Variants in DHRS7 observed in about 807,000 individuals in gnomAD.
DHRS7 encodes the protein dehydrogenase/reductase 7, also known as dehydrogenase/reductase SDR family member 7.
A neutral mutation model predicts 38.9 loss-of-function variants in DHRS7; 34 were observed. The ratio of observed to expected loss-of-function variants is 0.87; its 90% CI spans 0.66 to 1.16. The LOEUF is 1.16. DHRS7 is among the 50% of genes most tolerant of loss of function. The pLI, the probability that DHRS7 is intolerant of heterozygous loss-of-function variation, is 0.00. For missense variants in DHRS7, 421 were observed against 407.0 expected (o/e 1.03, Z -0.30); for synonymous variants, 158 against 153.1 (o/e 1.03, Z -0.24).
intron 1 of DHRS7, among the ~76,000 whole-genome samples, chr14:60,164,875 C>G (rs1896834990): frequency 6.6e-6 from 1 of 152,316 alleles, no homozygotes; most frequent in Non-Finnish European, 1.5e-5. Context: ...ATGTCAGAGT[C>G]CTCAGGAGCA....
upstream of DHRS7, chr14:60,165,748 C>T: frequency 1.1e-6 from 1 of 910,418 alleles, no homozygotes; most frequent in Non-Finnish European, 1.3e-6. The surrounding 1 kb of genome is among the most constrained non-coding windows in gnomAD (Gnocchi z 4.6). Context: ...CTTGCTTGGC[C>T]CCTCTTCTCC....
At chr14:60,160,377 TTGTATC>T (rs1452670521) in intron 1 of DHRS7, among the ~76,000 whole-genome samples, 2 of 151,008 alleles carry the variant, frequency 1.3e-5, no homozygotes, top group African/African-American at 4.9e-5. Flanking sequence ...ATTACCTACT[TTGTATC>T]TGAAAAGATA....
intron 2 of DHRS7, 39 bp from the exon 3 acceptor site, chr14:60,154,104 A>G: frequency 6.5e-7 from 1 of 1,533,260 alleles, no homozygotes; most frequent in Non-Finnish European, 9.0e-7. Context: ...GTCATGCCAT[A>G]GTTCAGTCAA....
intron 1 of DHRS7, among the ~76,000 whole-genome samples, chr14:60,164,760 C>T (rs771639816): frequency 6.6e-6 from 1 of 152,176 alleles, no homozygotes; most frequent in Non-Finnish European, 1.5e-5. Context: ...ACCGGGCTTC[C>T]GGTACTTACA....
At position 60,153,774 on chromosome 14, in the gene DHRS7, T is replaced by TAA. The variant is rs763101093; in HGVS notation, c.393+183_393+184dup. On this transcript the variant is annotated intron_variant, in intron 3 of 6. Transcript: ENST00000557185. This position sits in a 1 kb window ranked among gnomAD's most constrained non-coding sequence, Gnocchi z 4.4. Reference sequence around the variant, plus strand: ...TCTACATGGAGGAATTTGTACTTGTTAAGACATGAAAAGTACTAATTCCAT... The same window carrying TAA: ...TCTACATGGAGGAATTTGTACTTGTTAAAAGACATGAAAAGTACTAATTCCAT... 2.6e-5 allele frequency among the ~76,000 whole-genome samples: 4 copies of TAA among 152,190 alleles called. No homozygotes were observed. The highest frequency in any genetic ancestry group is 5.9e-5 in the Non-Finnish European group (4 of 68,034).
intron 4 of DHRS7, 87 bp downstream of exon 4, chr14:60,152,852 G>T: frequency 6.7e-7 from 1 of 1,487,230 alleles, no homozygotes; most frequent in Non-Finnish European, 9.2e-7. Context: ...ATCACTTCCA[G>T]TTCCAAGGAC....
chr14:60,145,049 ACTC>A lies in DHRS7; in HGVS notation c.973-39_973-37del. On this transcript the variant is annotated intron_variant, in intron 6 of 6. Transcript: ENST00000557185. This position sits in a 1 kb window ranked among gnomAD's most constrained non-coding sequence, Gnocchi z 4.0. ...GGGACAGAAACATGGATCAGTACCT[ACTC>A]CTATTTACTCCAGTTTTTAACATTT... The A allele has an allele frequency of 1.5e-6, 2 of 1,365,314 alleles. No individual in the cohort carries two copies. Among genetic ancestry groups the A allele is most frequent in the Non-Finnish European group, 2.0e-6 (2 of 1,020,224 alleles). 84.6% of individuals were successfully genotyped at this position (1,365,314 alleles called of 1,614,324 possible). A position where few individuals can be genotyped will look rare whatever the true frequency, so the allele number is the denominator to read the frequency against.
At chr14:60,154,273 CT>C (rs1339841400) in intron 2 of DHRS7, among the ~76,000 whole-genome samples, 2 of 151,932 alleles carry the variant, frequency 1.3e-5, no homozygotes, top group Non-Finnish European at 2.9e-5. Flanking sequence ...AGAATGGCAA[CT>C]TGAATATGCA....
upstream of DHRS7, chr14:60,168,966 T>C: frequency 2.0e-6 from 1 of 499,460 alleles, no homozygotes; most frequent in Non-Finnish European, 3.4e-6. Flanking sequence ...ATGTGACAGA[T>C]GATATGTTAA....
At chr14:60,150,903 G>C (rs1896530376) in intron 4 of DHRS7, among the ~76,000 whole-genome samples, 1 of 152,094 alleles carries the variant, frequency 6.6e-6, no homozygotes, top group African/African-American at 2.4e-5. Flanking sequence ...CACTGGATAG[G>C]TAAAAAGAAC....
rs1034013885 is a variant in DHRS7 at position 60,153,835 on chromosome 14, A to T, written c.393+124T>A. ...GCTCAGAGATTAAGGGGCCCAACTCATGGGCCCGATCTCACTGCATGGACC... is the reference window on the plus strand; with the variant it reads ...GCTCAGAGATTAAGGGGCCCAACTCTTGGGCCCGATCTCACTGCATGGACC... On this transcript the variant is annotated intron_variant, in intron 3 of 6. Coordinates refer to ENST00000557185, the MANE Select transcript of DHRS7 (RefSeq NM_016029.4). This position sits in a 1 kb window ranked among gnomAD's most constrained non-coding sequence, Gnocchi z 4.4. 5 of 711,050 alleles carry T rather than the reference A, an allele frequency of 7.0e-6. No individual in the cohort carries two copies. The highest frequency in any genetic ancestry group is 1.2e-5 in the Non-Finnish European group (5 of 414,422). 44.0% of individuals were successfully genotyped at this position (711,050 alleles called of 1,614,324 possible). A position where few individuals can be genotyped will look rare whatever the true frequency, so the allele number is the denominator to read the frequency against.
intron 1 of DHRS7, among the ~76,000 whole-genome samples, chr14:60,158,089 C>T (rs189793816): frequency 3.9e-5 from 6 of 151,922 alleles, no homozygotes; most frequent in Admixed American, 3.3e-4. Context: ...AAAAATTAGC[C>T]AGGTGTGGTG....
chr14:60,167,641 C>T (rs562144063), upstream of DHRS7, among the ~76,000 whole-genome samples: 1 of 152,330 alleles, frequency 6.6e-6, no homozygotes, highest in Non-Finnish European at 1.5e-5. Context: ...AAATCCAGAT[C>T]CTCCAAGATC....
chr14:60,145,864 C>G lies in DHRS7; in HGVS notation c.973-851G>C, dbSNP rs749907540. 5 of 151,890 alleles carry G rather than the reference C, an allele frequency of 3.3e-5. No homozygotes were observed. The highest frequency in any genetic ancestry group is 7.4e-5 in the Non-Finnish European group (5 of 67,962). 9.4% of individuals were successfully genotyped at this position (151,890 alleles called of 1,614,324 possible). ...GATAATACAAAATTCAGTGTAGCCACTGTTCTTGATCCCTAAAAATAATAA... is the reference window on the plus strand; with the variant it reads ...GATAATACAAAATTCAGTGTAGCCAGTGTTCTTGATCCCTAAAAATAATAA... On this transcript the variant is annotated intron_variant, in intron 6 of 6. Transcript: ENST00000557185. This position sits in a 1 kb window ranked among gnomAD's most constrained non-coding sequence, Gnocchi z 4.0.
intron 1 of DHRS7, among the ~76,000 whole-genome samples, chr14:60,157,575 G>T (rs1057384929): frequency 6.6e-6 from 1 of 152,128 alleles, no homozygotes; most frequent in African/African-American, 2.4e-5. Context: ...CACCAGAACT[G>T]TATGGAAAGG....
At position 60,162,999 on chromosome 14, in the gene DHRS7, A is replaced by C. The variant is rs561763764; in HGVS notation, c.133+2178T>G. 5.6e-4 allele frequency among the ~76,000 whole-genome samples: 85 copies of C among 152,170 alleles called. 3 individuals carry two copies. The Middle Eastern group carries it at 0.02, about 37-fold the overall frequency. ...AGCCTGGCCAACATGGCGAAACCCCAGGTCTACTAAAAATACAAAACTTAC... is the reference window on the plus strand; with the variant it reads ...AGCCTGGCCAACATGGCGAAACCCCCGGTCTACTAAAAATACAAAACTTAC... On this transcript the variant is annotated intron_variant, in intron 1 of 6. Transcript: ENST00000557185. The surrounding 1 kb of genome is among the most constrained non-coding windows in gnomAD (Gnocchi z 4.5).
chr14:60,168,341 G>T (rs1483841217), upstream of DHRS7, among the ~76,000 whole-genome samples: 1 of 151,910 alleles, frequency 6.6e-6, no homozygotes, highest in Non-Finnish European at 1.5e-5. Flanking sequence ...TATATATCTT[G>T]TCCATGATTT....
chr14:60,145,252 A>G lies in DHRS7; in HGVS notation c.973-239T>C. On this transcript the variant is annotated intron_variant, in intron 6 of 6. Coordinates refer to ENST00000557185, the MANE Select transcript of DHRS7 (RefSeq NM_016029.4). This position sits in a 1 kb window ranked among gnomAD's most constrained non-coding sequence, Gnocchi z 4.0. ...CTGGTTTAGAGGAGGTATAAATAGCATTGGACTGCAATGCTAAATTCTCTA... is the reference window on the plus strand; with the variant it reads ...CTGGTTTAGAGGAGGTATAAATAGCGTTGGACTGCAATGCTAAATTCTCTA... 1 of 343,542 alleles carries G rather than the reference A, an allele frequency of 2.9e-6. No individual in the cohort carries two copies. The highest frequency in any genetic ancestry group is 5.2e-6 in the Non-Finnish European group (1 of 193,656). 21.3% of individuals were successfully genotyped at this position (343,542 alleles called of 1,614,324 possible).
upstream of DHRS7, among the ~76,000 whole-genome samples, chr14:60,167,700 G>A (rs1228639775): frequency 6.6e-6 from 1 of 152,238 alleles, no homozygotes; most frequent in Non-Finnish European, 1.5e-5. Context: ...ACTGTGAGTG[G>A]AAACAGGGAC....
Sources: allele counts gnomAD v4.1 joint callset (sites outside exome capture counted in the v4.1 genomes callset), GRCh38; gene constraint gnomAD v4.1.1; non-coding constraint Gnocchi (gnomAD v3.1); transcripts MANE v1.5; gene names NCBI Gene and HGNC (gene_info 2026-07-23, HGNC 2026-07-21).